PCDHA9: variants seen among roughly 807,000 people sequenced by gnomAD.
PCDHA9 encodes the protein protocadherin alpha 9.
PCDHA9 carries 62 observed loss-of-function variants against 62.0 expected under a neutral mutation model. The ratio of observed to expected loss-of-function variants is 1.00; its 90% CI spans 0.81 to 1.23. The LOEUF (loss-of-function observed/expected upper bound fraction) is 1.23. Among genes scored for constraint, PCDHA9 ranks in the 50% most tolerant of loss-of-function variants. PCDHA9 has a pLI of 0.00. For synonymous variants in PCDHA9, 557 were observed against 567.6 expected, an observed-to-expected ratio of 0.98 and a Z score of 0.27; for missense variants, 1,205 against 1,249.8, an observed-to-expected ratio of 0.96 and a Z score of 0.54.
At chr5:140,994,004 C>T (rs1366489476) in intron 3 of PCDHA9, among the ~76,000 whole-genome samples, 3 of 152,186 alleles carry the variant, frequency 2.0e-5, no homozygotes, top group Non-Finnish European at 2.9e-5. Context: ...AGGCCAGGCT[C>T]TGTTCTAGGT....
chr5:140,972,505 T>C (rs2096539361), intron 1 of PCDHA9, among the ~76,000 whole-genome samples: 1 of 152,100 alleles, frequency 6.6e-6, no homozygotes, highest in African/African-American at 2.4e-5. Flanking sequence ...GTTGGTAGAT[T>C]TTACCCCCAG....
chr5:140,988,526 G>C (rs1330767394), intron 3 of PCDHA9, among the ~76,000 whole-genome samples: 2 of 152,088 alleles, frequency 1.3e-5, no homozygotes, highest in Admixed American at 1.3e-4. Flanking sequence ...GTCTCTGCTG[G>C]CTCCATCCAT....
At chr5:140,882,839 T>C (rs1554175751) in intron 1 of PCDHA9, 1 of 1,614,218 alleles carries the variant, frequency 6.2e-7, no homozygotes, top group South Asian at 1.1e-5. Flanking sequence ...GCAAATGTCT[T>C]CATTATCACT....
At chr5:140,960,743 G>A (rs1328860955) in intron 1 of PCDHA9, among the ~76,000 whole-genome samples, 3 of 151,482 alleles carry the variant, frequency 2.0e-5, no homozygotes, top group Non-Finnish European at 4.4e-5. Flanking sequence ...TTTAGTCCAT[G>A]GCTAAAATCC....
chr5:140,903,014 A>G (rs551984849), intron 1 of PCDHA9, among the ~76,000 whole-genome samples: 1 of 152,322 alleles, frequency 6.6e-6, no homozygotes, highest in African/African-American at 2.4e-5. Context: ...TTGTGCTGCT[A>G]TCAACATGGC....
Position 140,851,361 on chromosome 5 carries a change from A to G in PCDHA9, c.2394+472A>G, listed in dbSNP as rs1342409970. The G allele has an allele frequency of 6.1e-6, 6 of 978,064 alleles. No individual in the cohort carries two copies. In the African/African-American group the frequency reaches 8.8e-5, roughly 14 times the overall value. The allele number at this position is 978,064 out of a possible 1,614,324, so 60.6% of individuals were successfully genotyped here. On this transcript the variant is annotated intron_variant, in intron 1 of 3. Coordinates refer to ENST00000532602, the MANE Select transcript of PCDHA9 (RefSeq NM_031857.2). Reference sequence around the variant, plus strand: ...ACATTTCTCTGGATGGAGACTGTGAACATCTGATTGTTCAGCAACCTTCAG... The same window carrying G: ...ACATTTCTCTGGATGGAGACTGTGAGCATCTGATTGTTCAGCAACCTTCAG...
In PCDHA9 at chr5:140,851,551, T is replaced by C; in HGVS notation, c.2394+662T>C. Reference sequence around the variant, plus strand: ...GACAATGTAGATAATTCAAGAAATGTTGACTGAAATTTTGTCTACACTTAG... The same window carrying C: ...GACAATGTAGATAATTCAAGAAATGCTGACTGAAATTTTGTCTACACTTAG... On this transcript the variant is annotated intron_variant, in intron 1 of 3. Coordinates refer to ENST00000532602, the MANE Select transcript of PCDHA9 (RefSeq NM_031857.2). The C allele has an allele frequency of 5.5e-6, 5 of 908,010 alleles. No individual in the cohort carries two copies. In the South Asian group the frequency reaches 2.0e-4, roughly 36 times the overall value. The allele number at this position is 908,010 out of a possible 1,614,324, so 56.2% of individuals were successfully genotyped here. A position where few individuals can be genotyped will look rare whatever the true frequency, so the allele number is the denominator to read the frequency against.
intron 1 of PCDHA9, chr5:140,927,708 A>G: frequency 6.2e-7 from 1 of 1,614,202 alleles, no homozygotes; most frequent in Non-Finnish European, 8.5e-7. Context: ...AGTACTCCCT[A>G]AGCAACAGCA....
intron 3 of PCDHA9, among the ~76,000 whole-genome samples, chr5:140,991,361 G>C (rs1183124741): frequency 6.6e-6 from 1 of 152,200 alleles, no homozygotes; most frequent in Non-Finnish European, 1.5e-5. Context: ...ACTATTTACT[G>C]TCTGAGTTCT....
At chr5:140,928,878 G>A (rs1563110550) in intron 1 of PCDHA9, 6 of 1,614,194 alleles carry the variant, frequency 3.7e-6, no homozygotes, top group Non-Finnish European at 4.2e-6. Flanking sequence ...CTGTCCCTCA[G>A]TTACTTCCAG....
chr5:141,006,296 C>G (rs2153987135), intron 3 of PCDHA9, among the ~76,000 whole-genome samples: 1 of 152,102 alleles, frequency 6.6e-6, no homozygotes, highest in East Asian at 1.9e-4. Context: ...ACTGCAAGCT[C>G]CACTTCCCGG....
chr5:140,850,153 T>A lies in PCDHA9; in HGVS notation c.1658T>A (p.Val553Glu). Reference protein sequence around the residue: ...PPLGSNVTLQVFVLDENDNAP... With the variant: ...PPLGSNVTLQEFVLDENDNAP... Reference sequence around the variant, plus strand: ...CTGGGCAGCAACGTGACGCTGCAGGTGTTCGTGCTGGACGAGAACGACAAT... The same window carrying A: ...CTGGGCAGCAACGTGACGCTGCAGGAGTTCGTGCTGGACGAGAACGACAAT... Residue 553 changes from valine (V) to glutamate (E), a missense_variant, in exon 1 of 4, where the codon GTG becomes GAG. Val to Glu is a moderately radical substitution (Grantham distance 121). Coordinates refer to ENST00000532602, the MANE Select transcript of PCDHA9 (RefSeq NM_031857.2). The A allele has an allele frequency of 1.3e-6, 2 of 1,595,316 alleles. No individual in the cohort carries two copies. Among genetic ancestry groups the A allele is most frequent in the Non-Finnish European group, 1.7e-6 (2 of 1,167,784 alleles).
intron 1 of PCDHA9, among the ~76,000 whole-genome samples, chr5:140,904,137 G>A (rs2070857554): frequency 6.6e-6 from 1 of 152,040 alleles, no homozygotes; most frequent in African/African-American, 2.4e-5. Context: ...CATCACCCGA[G>A]CAGTATACAT....
chr5:140,914,288 T>C (rs2076666061), intron 1 of PCDHA9, among the ~76,000 whole-genome samples: 1 of 152,210 alleles, frequency 6.6e-6, no homozygotes, highest in African/African-American at 2.4e-5. Flanking sequence ...ATAATTGTTA[T>C]ATCCTCTTGC....
chr5:140,864,625 G>GAAAAC (rs1229518182), intron 1 of PCDHA9: 2 of 152,052 alleles, frequency 1.3e-5, no homozygotes, highest in Non-Finnish European at 2.9e-5. Flanking sequence ...TTTTTAAAAA[G>GAAAAC]AAAACAAAAC....
chr5:140,862,857 T>C (rs782223560), intron 1 of PCDHA9: 7 of 517,122 alleles, frequency 1.4e-5, no homozygotes, highest in African/African-American at 1.1e-4. Context: ...TGAGCAGCAA[T>C]GTGACGCTGC....
At chr5:140,967,980 A>C in intron 1 of PCDHA9, 1 of 1,614,198 alleles carries the variant, frequency 6.2e-7, no homozygotes, top group South Asian at 1.1e-5. Context: ...CTGGGTCTGG[A>C]GGCCACACTG....
chr5:140,877,582 A>G, intron 1 of PCDHA9: 1 of 1,613,772 alleles, frequency 6.2e-7, no homozygotes, highest in East Asian at 2.2e-5. Context: ...CATCATCGCC[A>G]TCTGTGCGGT....
intron 1 of PCDHA9, among the ~76,000 whole-genome samples, chr5:140,961,995 TG>T (rs2095649493): frequency 1.3e-5 from 2 of 152,062 alleles, no homozygotes; most frequent in African/African-American, 4.8e-5. Flanking sequence ...GCCATTGTCC[TG>T]CCTCAGCTTC....
Sources: gnomAD v4.1 joint callset for allele counts (sites outside exome capture counted in the v4.1 genomes callset) on GRCh38, gnomAD v4.1.1 for gene constraint, MANE v1.5 for transcripts, NCBI Gene and HGNC (gene_info 2026-07-23, HGNC 2026-07-21) for gene names.